The following SYN3 variants were observed in gnomAD, a reference collection of about 807,000 sequenced individuals.
SYN3 encodes synapsin III, also known as synapsin-3.
A neutral mutation model predicts 65.8 loss-of-function variants in SYN3; 35 were observed. The observed-to-expected ratio is 0.53, with a 90% CI of 0.41 to 0.70. The LOEUF (loss-of-function observed/expected upper bound fraction) is 0.70, where lower values mean the gene tolerates loss of function less well. Ranked by LOEUF, SYN3 falls within the 30% of genes least tolerant of loss-of-function variation. SYN3 has a pLI of 0.00. For missense variants in SYN3, 680 were observed against 749.0 expected (o/e 0.91, Z 1.08); for synonymous variants, 270 against 292.9 (o/e 0.92, Z 0.80).
intron 6 of SYN3, among the ~76,000 whole-genome samples, chr22:32,737,149 A>G (rs1311500473): frequency 6.6e-6 from 1 of 152,214 alleles, no homozygotes; most frequent in Non-Finnish European, 1.5e-5. Context: ...TTTATAGAAC[A>G]GTCTTAATAG....
chr22:32,717,113 A>C (rs980313108), intron 6 of SYN3, among the ~76,000 whole-genome samples: 1 of 152,288 alleles, frequency 6.6e-6, no homozygotes, highest in South Asian at 2.1e-4. Context: ...TAACCCTGCA[A>C]GGTAACTATC....
Position 33,006,389 on chromosome 22 carries a change from T to C in SYN3, c.274A>G (p.Arg92Gly). Residue 92 changes from arginine to glycine, a missense_variant, in exon 2 of 14, where the codon AGG becomes GGG. Transcript: ENST00000358763. ...GCATCATCGATCACCAACAGGATCC[T>C]GGGTCTTTGAACAATGGGCGTGGAG... ...GPSTPIVQRP[R>G]ILLVIDDAHT... 1 of 1,613,906 alleles carries C rather than the reference T, an allele frequency of 6.2e-7. No individual in the cohort carries two copies. The highest frequency in any genetic ancestry group is 1.7e-4 in the Middle Eastern group (1 of 6,060).
intron 3 of SYN3, among the ~76,000 whole-genome samples, chr22:32,979,140 T>C (rs2145641950): frequency 6.6e-6 from 1 of 150,998 alleles, no homozygotes; most frequent in South Asian, 2.1e-4. Flanking sequence ...GAGGTTGCAG[T>C]TCACTCCATT....
chr22:32,604,822 G>A (rs988439260), intron 6 of SYN3, among the ~76,000 whole-genome samples: 6 of 151,794 alleles, frequency 4.0e-5, no homozygotes, highest in Non-Finnish European at 7.4e-5. Flanking sequence ...TGGCTAACAC[G>A]GTGAAACCCA....
At chr22:32,765,575 TGGA>T (rs1253498546) in intron 6 of SYN3, among the ~76,000 whole-genome samples, 1 of 151,706 alleles carries the variant, frequency 6.6e-6, no homozygotes, top group Non-Finnish European at 1.5e-5. Context: ...AGGGTGACAG[TGGA>T]GGAGGGTCGC....
intron 4 of SYN3, among the ~76,000 whole-genome samples, chr22:32,913,095 A>C (rs552141415): frequency 6.6e-6 from 1 of 152,214 alleles, no homozygotes; most frequent in East Asian, 1.9e-4. Context: ...GCAGAGGCCT[A>C]TGCAAACTGT....
intron 4 of SYN3, among the ~76,000 whole-genome samples, chr22:32,886,988 A>T (rs2049311536): frequency 6.6e-6 from 1 of 152,132 alleles, no homozygotes; most frequent in Non-Finnish European, 1.5e-5. Context: ...ATGGGTTGGC[A>T]CCCCATGATA....
At chr22:32,545,549 GTC>G (rs895153167) in intron 7 of SYN3, among the ~76,000 whole-genome samples, 7 of 150,632 alleles carry the variant, frequency 4.6e-5, no homozygotes, top group African/African-American at 4.9e-5. Flanking sequence ...TGGAACCCAG[GTC>G]TCTCTCTCTC....
chr22:32,639,670 C>T (rs1348049232), intron 6 of SYN3, among the ~76,000 whole-genome samples: 4 of 152,122 alleles, frequency 2.6e-5, no homozygotes, highest in Non-Finnish European at 4.4e-5. Context: ...TCTCAGTCTC[C>T]CTAGTAGCTG....
intron 7 of SYN3, among the ~76,000 whole-genome samples, chr22:32,551,837 A>G (rs2058420083): frequency 6.6e-6 from 1 of 152,252 alleles, no homozygotes; most frequent in South Asian, 2.1e-4. Flanking sequence ...GACAGGAAGC[A>G]GAGGAGCAAT....
intron 3 of SYN3, among the ~76,000 whole-genome samples, chr22:32,963,631 C>A (rs1412707438): frequency 2.0e-5 from 3 of 152,080 alleles, no homozygotes; most frequent in Non-Finnish European, 2.9e-5. Flanking sequence ...AAACAAGAAA[C>A]CTTATAAATT....
chr22:32,572,398 C>A (rs2058781233), intron 7 of SYN3, among the ~76,000 whole-genome samples: 1 of 111,340 alleles, frequency 9.0e-6, no homozygotes. Context: ...TTCCTTCCCT[C>A]CCTCCCTCCT....
intron 6 of SYN3, among the ~76,000 whole-genome samples, chr22:32,769,434 ACT>A (rs1386059331): frequency 6.7e-6 from 1 of 149,306 alleles, no homozygotes; most frequent in African/African-American, 2.5e-5. Flanking sequence ...CTGGGACACC[ACT>A]CTCTCACTCT....
chr22:32,601,944 C>CTTTTT (rs757479781), intron 6 of SYN3, among the ~76,000 whole-genome samples: 2 of 136,854 alleles, frequency 1.5e-5, no homozygotes, highest in East Asian at 2.1e-4. Context: ...CTTTTCTTTT[C>CTTTTT]TTTTTTTTTT....
chr22:32,564,393 A>G (rs777246152), intron 7 of SYN3, among the ~76,000 whole-genome samples: 7 of 152,190 alleles, frequency 4.6e-5, no homozygotes, highest in Non-Finnish European at 1.0e-4. Context: ...GCCATAAACC[A>G]AGGCTGCTTC....
intron 6 of SYN3, among the ~76,000 whole-genome samples, chr22:32,598,178 G>C (rs973401323): frequency 1.3e-5 from 2 of 152,140 alleles, no homozygotes; most frequent in African/African-American, 2.4e-5. Flanking sequence ...GGGCACCGAA[G>C]GAACGCAGCC....
At chr22:32,831,767 G>A (rs2047580717) in intron 6 of SYN3, among the ~76,000 whole-genome samples, 1 of 152,102 alleles carries the variant, frequency 6.6e-6, no homozygotes, top group Middle Eastern at 3.2e-3. Flanking sequence ...TTTAAGCTGT[G>A]AAGTTATCCC....
At position 32,527,914 on chromosome 22, in the gene SYN3, A is replaced by G. The variant is rs1420220501; in HGVS notation, c.1318+4T>C. On this transcript the variant is annotated splice_donor_region_variant and intron_variant, in intron 12 of 13. Transcript: ENST00000358763. Reference sequence around the variant, plus strand: ...TTCTTGCAGTGGCTCGTCCTGGGTCATACCTTGCGGAGGTGGGCGTGGCTG... The same window carrying G: ...TTCTTGCAGTGGCTCGTCCTGGGTCGTACCTTGCGGAGGTGGGCGTGGCTG... 4.4e-6 allele frequency: 7 copies of G among 1,585,198 alleles called. No individual in the cohort carries two copies. The highest frequency in any genetic ancestry group is 1.8e-5 in the Admixed American group (1 of 56,964).
rs1249185039 is a variant in SYN3, at chr22:32,931,391, T to C, written c.460A>G (p.Ser154Gly). The change falls in exon 4 of 14, where the codon AGC becomes GGC. Residue 154 changes from serine to glycine, a missense_variant and splice_region_variant. By Grantham distance (56) the Ser-to-Gly change is moderately conservative (BLOSUM62 0). Coordinates refer to ENST00000358763, the MANE Select transcript of SYN3 (RefSeq NM_003490.4). ...TCTGCATATTTTAATCCTACTTACC[T>C]CACCACTTTGGTCCCATTTCTCACG... ...QVVRNGTKVV[S>G]RSFKPDFILV... is the part of the protein sequence containing the mutation. 1 of 1,607,988 alleles carries C rather than the reference T, an allele frequency of 6.2e-7. No homozygotes were observed. The highest frequency in any genetic ancestry group is 1.7e-5 in the Admixed American group (1 of 59,996).
Sources: allele counts gnomAD v4.1 joint callset (sites outside exome capture counted in the v4.1 genomes callset), GRCh38; gene constraint gnomAD v4.1.1; transcripts MANE v1.5; gene names NCBI Gene and HGNC (gene_info 2026-07-23, HGNC 2026-07-21).